The following CHRM3 variants were observed in gnomAD, a reference collection of about 807,000 sequenced individuals.
CHRM3 encodes the protein muscarinic acetylcholine receptor M3.
Under a neutral mutation model 41.8 loss-of-function variants are expected in CHRM3, and 11 were observed. The ratio of observed to expected loss-of-function variants is 0.26; its 90% CI spans 0.17 to 0.44. CHRM3 has a LOEUF of 0.44. Among genes scored for constraint, CHRM3 ranks in the 20% least tolerant of loss-of-function variants. The pLI, the probability that CHRM3 is intolerant of heterozygous loss-of-function variation, is 1.00. For synonymous variants in CHRM3, 297 were observed against 301.4 expected (o/e 0.99, Z 0.15); for missense variants, 571 against 745.4 (o/e 0.77, Z 2.72).
chr1:239,639,516 T>A (rs116518874), intron 4 of CHRM3, among the ~76,000 whole-genome samples: 39,895 of 151,932 alleles, frequency 0.26, 6,038 homozygotes, highest in East Asian at 0.65. Flanking sequence ...TTTTATTGTC[T>A]TTGAATCAAT....
intron 5 of CHRM3, among the ~76,000 whole-genome samples, chr1:239,782,938 T>C (rs888807412): frequency 9.2e-5 from 14 of 152,140 alleles, no homozygotes; most frequent in African/African-American, 2.7e-4. Flanking sequence ...TATTGTTTTT[T>C]AATTTAGTTT....
intron 2 of CHRM3, among the ~76,000 whole-genome samples, chr1:239,533,596 T>A (rs1481832064): frequency 1.3e-5 from 2 of 150,804 alleles, no homozygotes; most frequent in Non-Finnish European, 3.0e-5. Context: ...CTGTGCATGG[T>A]GGCAGGTGTC....
chr1:239,755,591 A>G (rs559174318), intron 5 of CHRM3, among the ~76,000 whole-genome samples: 5 of 152,238 alleles, frequency 3.3e-5, no homozygotes, highest in Non-Finnish European at 7.3e-5. Flanking sequence ...AGGGTACAGA[A>G]AAAGGGTATG....
rs971825888 is a variant in CHRM3, at chr1:239,664,310, C to G, written c.-249-13876C>G. 2.6e-5 allele frequency among the ~76,000 whole-genome samples: 4 copies of G among 152,150 alleles called. No homozygotes were observed. In the East Asian group the frequency reaches 7.7e-4, roughly 29 times the overall value. On this transcript the variant is annotated intron_variant, in intron 4 of 6. Transcript: ENST00000676153. ...GGCTTTTATTCCATTTTTAATTTAT[C>G]ACCAATTCAATGATCCAACAGTGTC...
chr1:239,651,985 GTTTTT>G (rs56096731), intron 4 of CHRM3, among the ~76,000 whole-genome samples: 7 of 140,222 alleles, frequency 5.0e-5, no homozygotes, highest in African/African-American at 5.2e-5. Flanking sequence ...GCCAGTTTTT[GTTTTT>G]TTTTTTTTTT....
In CHRM3 at chr1:239,772,303, G is replaced by A. The variant is rs563263638; in HGVS notation, c.-146-54949G>A. The stretch of plus-strand genomic sequence containing the variant: ...GTAGCTAGGATCACAGGCATGCACC[G>A]CCACAACCGGATAATTTTTTGTATT... On this transcript the variant is annotated intron_variant, in intron 5 of 6. Coordinates refer to ENST00000676153, the MANE Select transcript of CHRM3 (RefSeq NM_001375978.1). Among the ~76,000 whole-genome samples the A allele has an allele frequency of 1.9e-4, 29 of 151,998 alleles. 1 individual carries two copies. In the Middle Eastern group the frequency reaches 0.01, roughly 53 times the overall value.
rs1439860060 is a variant in CHRM3, at chr1:239,911,211, T to C, written c.*1987T>C. The C allele has an allele frequency of 6.0e-6, 1 of 166,602 alleles. No individual in the cohort carries two copies. Among genetic ancestry groups the C allele is most frequent in the South Asian group, 2.1e-4 (1 of 4,826 alleles). The allele number at this position is 166,602 out of a possible 1,614,324, so 10.3% of individuals were successfully genotyped here. ...CTCTTTAGTTAAATCTGATGGGAAC[T>C]GAACAAAGCTCCACCATTGTGTCTG... On this transcript the variant is annotated 3_prime_UTR_variant, in exon 7 of 7. Coordinates refer to ENST00000676153, the MANE Select transcript of CHRM3 (RefSeq NM_001375978.1).
intron 2 of CHRM3, among the ~76,000 whole-genome samples, chr1:239,544,615 C>CA (rs1043708763): frequency 3.4e-4 from 51 of 152,106 alleles, no homozygotes; most frequent in African/African-American, 1.2e-3. Context: ...TGAATTAAGG[C>CA]AAAAAATAGA....
chr1:239,749,379 G>T (rs2148563335), intron 5 of CHRM3, among the ~76,000 whole-genome samples: 1 of 152,228 alleles, frequency 6.6e-6, no homozygotes, highest in Non-Finnish European at 1.5e-5. Context: ...AAGAAGCTTG[G>T]AGGGTAGGTT....
chr1:239,488,020 A>C (rs1667298466), intron 1 of CHRM3, among the ~76,000 whole-genome samples: 1 of 152,196 alleles, frequency 6.6e-6, no homozygotes, highest in Non-Finnish European at 1.5e-5. Context: ...AAAGACGTGA[A>C]TATTAAAATA....
chr1:239,607,106 C>T (rs1434865970), intron 3 of CHRM3, among the ~76,000 whole-genome samples: 1 of 151,732 alleles, frequency 6.6e-6, no homozygotes, highest in Admixed American at 6.6e-5. Flanking sequence ...TTTTGTTTTT[C>T]TAAAGCAACA....
intron 5 of CHRM3, among the ~76,000 whole-genome samples, chr1:239,715,889 G>T (rs1182546530): frequency 1.3e-5 from 2 of 152,096 alleles, no homozygotes; most frequent in Admixed American, 6.6e-5. Flanking sequence ...AACAGTTAAA[G>T]CTTGAAAGAA....
At chr1:239,827,474 G>T (rs1344446141) in intron 6 of CHRM3, 96 bp downstream of exon 6, 3 of 152,136 alleles carry the variant, frequency 2.0e-5, no homozygotes, top group African/African-American at 7.2e-5. Context: ...CTGTTGATTA[G>T]TTACGTGACC....
chr1:239,601,891 A>T (rs890903144), intron 3 of CHRM3, among the ~76,000 whole-genome samples: 1 of 151,942 alleles, frequency 6.6e-6, no homozygotes, highest in African/African-American at 2.4e-5. Context: ...TTCAGTTTAA[A>T]GCTTCGATAC....
chr1:239,400,526 C>G (rs1344031746), intron 1 of CHRM3, among the ~76,000 whole-genome samples: 1 of 152,096 alleles, frequency 6.6e-6, no homozygotes, highest in Admixed American at 6.6e-5. Context: ...AAGTTCTTTG[C>G]CGAGACTAAT....
intron 6 of CHRM3, among the ~76,000 whole-genome samples, chr1:239,843,085 T>A (rs1673954485): frequency 6.6e-6 from 1 of 152,210 alleles, no homozygotes; most frequent in Non-Finnish European, 1.5e-5. Flanking sequence ...AACTTGCCTT[T>A]ATTGCCTTTT....
At chr1:239,413,736 G>A (rs1377193126) in intron 1 of CHRM3, among the ~76,000 whole-genome samples, 1 of 152,224 alleles carries the variant, frequency 6.6e-6, no homozygotes, top group African/African-American at 2.4e-5. Flanking sequence ...AAAGGCTCAA[G>A]ATCAGATGGA....
At chr1:239,447,407 G>C (rs969655594) in intron 1 of CHRM3, among the ~76,000 whole-genome samples, 3 of 151,958 alleles carry the variant, frequency 2.0e-5, no homozygotes, top group Non-Finnish European at 4.4e-5. Context: ...TGGGGAGAGA[G>C]AGAGAATGGC....
intron 4 of CHRM3, among the ~76,000 whole-genome samples, chr1:239,633,297 A>G (rs1670071799): frequency 6.6e-6 from 1 of 152,064 alleles, no homozygotes; most frequent in South Asian, 2.1e-4. Context: ...GCGGCAGGAG[A>G]GCGGGGAGAG....
Sources: allele counts gnomAD v4.1 joint callset (sites outside exome capture counted in the v4.1 genomes callset), GRCh38; gene constraint gnomAD v4.1.1; transcripts MANE v1.5; gene names NCBI Gene and HGNC (gene_info 2026-07-23, HGNC 2026-07-21).